KCNT2: variants seen among roughly 807,000 people sequenced by gnomAD.
The protein encoded by KCNT2 is potassium sodium-activated channel subfamily T member 2, also known as potassium channel subfamily T member 2.
KCNT2 carries 67 observed loss-of-function variants against 153.8 expected under a neutral mutation model. The ratio of observed to expected loss-of-function variants is 0.44; its 90% CI spans 0.36 to 0.53. The LOEUF (loss-of-function observed/expected upper bound fraction) is 0.53, where lower values mean the gene tolerates loss of function less well. Among genes scored for constraint, KCNT2 ranks in the 20% least tolerant of loss-of-function variants. The pLI is 0.00. For synonymous variants in KCNT2, 500 were observed against 458.8 expected, an observed-to-expected ratio of 1.09 and a Z score of -1.15; for missense variants, 975 against 1,354.8, an observed-to-expected ratio of 0.72 and a Z score of 4.40.
chr1:196,425,357 C>A (rs969482223), intron 11 of KCNT2, among the ~76,000 whole-genome samples: 2 of 151,910 alleles, frequency 1.3e-5, no homozygotes, highest in African/African-American at 4.8e-5. Flanking sequence ...TAGTCCATGG[C>A]AACCATTTTT....
At chr1:196,568,624 C>A (rs962608412) in intron 1 of KCNT2, among the ~76,000 whole-genome samples, 1 of 150,984 alleles carries the variant, frequency 6.6e-6, no homozygotes, top group African/African-American at 2.4e-5. Context: ...AAGAAAAACA[C>A]GCCACCACAG....
Position 196,369,553 on chromosome 1 carries a change from C to T in KCNT2, c.1403+3587G>A, listed in dbSNP as rs996164631. Among the ~76,000 whole-genome samples the T allele has an allele frequency of 2.0e-5, 3 of 150,998 alleles. No homozygotes were observed. The South Asian group carries it at 6.3e-4, about 32-fold the overall frequency. ...ATGTGATCTCATTGTTCAATTCCCA[C>T]CTATGAGTGAGAATATGTGGTGTTT... On this transcript the variant is annotated intron_variant, in intron 14 of 27. Coordinates refer to ENST00000294725, the MANE Select transcript of KCNT2 (RefSeq NM_198503.5).
chr1:196,483,437 A>G (rs1239426186), intron 3 of KCNT2, among the ~76,000 whole-genome samples: 1 of 152,176 alleles, frequency 6.6e-6, no homozygotes, highest in African/African-American at 2.4e-5. Context: ...AGTCGCAAAT[A>G]CACTGATTCT....
chr1:196,606,619 A>T (rs1289403249), intron 1 of KCNT2, among the ~76,000 whole-genome samples: 20 of 152,184 alleles, frequency 1.3e-4, no homozygotes, highest in Admixed American at 1.3e-3. Flanking sequence ...TAGAAAAATG[A>T]GGGCAACCAC....
intron 26 of KCNT2, among the ~76,000 whole-genome samples, chr1:196,241,112 G>A (rs1027284030): frequency 5.3e-5 from 8 of 151,966 alleles, no homozygotes; most frequent in African/African-American, 1.9e-4. Flanking sequence ...TAAGCTGGGA[G>A]ATACCACAGT....
intron 11 of KCNT2, among the ~76,000 whole-genome samples, chr1:196,425,279 G>A (rs1673555984): frequency 6.6e-6 from 1 of 151,804 alleles, no homozygotes; most frequent in Non-Finnish European, 1.5e-5. Flanking sequence ...AAATTGCCTG[G>A]TACATGCACA....
intron 18 of KCNT2, among the ~76,000 whole-genome samples, chr1:196,328,717 AAAAGGAAACCAT>A (rs1389693252): frequency 6.6e-6 from 1 of 151,972 alleles, no homozygotes; most frequent in Non-Finnish European, 1.5e-5. Context: ...AGACCAAAAT[AAAAGGAAACCAT>A]AATTAAAAGG....
At chr1:196,402,883 A>G (rs983130351) in intron 12 of KCNT2, among the ~76,000 whole-genome samples, 12 of 151,706 alleles carry the variant, frequency 7.9e-5, no homozygotes, top group African/African-American at 2.7e-4. Flanking sequence ...AACACTTTTC[A>G]TAATAGCTAA....
chr1:196,521,111 G>A (rs551409765), intron 1 of KCNT2, among the ~76,000 whole-genome samples: 83 of 151,974 alleles, frequency 5.5e-4, no homozygotes, highest in Non-Finnish European at 8.7e-4. Context: ...AAAACAAGTA[G>A]CCCCATTAAA....
intron 14 of KCNT2, among the ~76,000 whole-genome samples, chr1:196,349,962 G>C (rs959803195): frequency 6.6e-6 from 1 of 152,032 alleles, no homozygotes; most frequent in South Asian, 2.1e-4. Context: ...GTGGTATTTG[G>C]TTTTTTGTCC....
chr1:196,527,701 A>G (rs1654417760), intron 1 of KCNT2, among the ~76,000 whole-genome samples: 1 of 152,194 alleles, frequency 6.6e-6, no homozygotes. Context: ...TTTCATTTCA[A>G]TAAAAATATG....
chr1:196,393,181 T>C (rs1670632324), intron 13 of KCNT2, among the ~76,000 whole-genome samples: 1 of 151,416 alleles, frequency 6.6e-6, no homozygotes, highest in South Asian at 2.1e-4. Context: ...CTCCTTTGTT[T>C]TTACATCCTT....
At chr1:196,501,540 A>G (rs1212288950) in intron 1 of KCNT2, among the ~76,000 whole-genome samples, 2 of 152,192 alleles carry the variant, frequency 1.3e-5, no homozygotes, top group Non-Finnish European at 2.9e-5. Flanking sequence ...GAGCTAAACA[A>G]TGGGTACACA....
At chr1:196,556,543 T>C (rs1658692048) in intron 1 of KCNT2, among the ~76,000 whole-genome samples, 1 of 151,326 alleles carries the variant, frequency 6.6e-6, no homozygotes, top group South Asian at 2.1e-4. Flanking sequence ...GAATATAAAT[T>C]AGCTCAACCA....
chr1:196,463,938 A>G (rs1212804910), intron 8 of KCNT2, among the ~76,000 whole-genome samples: 2 of 151,868 alleles, frequency 1.3e-5, no homozygotes, highest in Non-Finnish European at 2.9e-5. Context: ...TTTTTCTCAC[A>G]CTAACATCTC....
At chr1:196,421,717 A>G (rs911423385) in intron 12 of KCNT2, among the ~76,000 whole-genome samples, 6 of 152,014 alleles carry the variant, frequency 3.9e-5, no homozygotes, top group Non-Finnish European at 8.8e-5. Flanking sequence ...AGGGCTGCCA[A>G]ACAAAGTACC....
intron 1 of KCNT2, among the ~76,000 whole-genome samples, chr1:196,542,514 G>C (rs1432247085): frequency 6.6e-6 from 1 of 152,052 alleles, no homozygotes; most frequent in Non-Finnish European, 1.5e-5. Flanking sequence ...GAGATCACAG[G>C]ACAACTTTCT....
At chr1:196,321,391 A>T (rs1227498481) in intron 19 of KCNT2, among the ~76,000 whole-genome samples, 1 of 151,832 alleles carries the variant, frequency 6.6e-6, no homozygotes, top group African/African-American at 2.4e-5. Flanking sequence ...TTTTATGCCA[A>T]CCCTTCTACT....
At chr1:196,481,625 A>C (rs1413848586) in intron 4 of KCNT2, among the ~76,000 whole-genome samples, 2 of 152,198 alleles carry the variant, frequency 1.3e-5, no homozygotes, top group Non-Finnish European at 2.9e-5. Flanking sequence ...AAGCAACAGA[A>C]AATAAAAAGG....
Sources: gnomAD v4.1 joint callset for allele counts (sites outside exome capture counted in the v4.1 genomes callset) on GRCh38, gnomAD v4.1.1 for gene constraint, MANE v1.5 for transcripts, NCBI Gene and HGNC (gene_info 2026-07-23, HGNC 2026-07-21) for gene names.